Variants in NCOR2 observed in about 807,000 individuals in gnomAD.
The protein encoded by NCOR2 is CTG repeat protein 26.
A neutral mutation model predicts 262.9 loss-of-function variants in NCOR2; 81 were observed. The observed-to-expected ratio is 0.31, with a 90% CI of 0.26 to 0.37. The LOEUF is 0.37. Among genes scored for constraint, NCOR2 ranks in the 10% least tolerant of loss-of-function variants. NCOR2 has a pLI of 1.00. For missense variants in NCOR2, 3,385 were observed against 3,621.4 expected (o/e 0.93, Z 1.68); for synonymous variants, 1,659 against 1,559.3 (o/e 1.06, Z -1.51).
intron 17 of NCOR2, among the ~76,000 whole-genome samples, chr12:124,380,434 T>C (rs2040322767): frequency 6.6e-6 from 1 of 152,138 alleles, no homozygotes; most frequent in Non-Finnish European, 1.5e-5. Context: ...GCCCTGCCCC[T>C]GCCAGTGCCC....
intron 1 of NCOR2, among the ~76,000 whole-genome samples, chr12:124,494,243 G>A (rs1015476942): frequency 3.9e-5 from 6 of 152,010 alleles, no homozygotes; most frequent in East Asian, 1.9e-4. Context: ...ACGCACACAC[G>A]CACCCCCACG....
chr12:124,476,168 C>T (rs910018939), intron 3 of NCOR2, among the ~76,000 whole-genome samples: 4 of 152,198 alleles, frequency 2.6e-5, no homozygotes, highest in Admixed American at 6.5e-5. Context: ...TCTGGCACCC[C>T]CGGGCCTTTG....
intron 7 of NCOR2, among the ~76,000 whole-genome samples, chr12:124,445,328 G>A (rs572849668): frequency 2.6e-5 from 4 of 152,280 alleles, no homozygotes; most frequent in Admixed American, 1.3e-4. Context: ...GCCCCTCTGC[G>A]GCTGCCCCGG....
chr12:124,473,396 A>G (rs2046929260), intron 3 of NCOR2, among the ~76,000 whole-genome samples: 1 of 152,192 alleles, frequency 6.6e-6, no homozygotes, highest in Non-Finnish European at 1.5e-5. Flanking sequence ...CAAAGGCGAG[A>G]CTGGCCTAGC....
chr12:124,418,952 A>C (rs1049255977), intron 13 of NCOR2, among the ~76,000 whole-genome samples: 3 of 150,660 alleles, frequency 2.0e-5, no homozygotes, highest in Admixed American at 6.6e-5. Context: ...CCCGGCCCCC[A>C]CCCCAGCCAC....
rs753831136 is a variant in NCOR2, at chr12:124,336,996, C to A, written c.5872G>T (p.Ala1958Ser). 1.8e-5 allele frequency: 27 copies of A among 1,509,794 alleles called. No individual in the cohort carries two copies. In the African/African-American group the frequency reaches 3.6e-4, roughly 20 times the overall value. The allele number at this position is 1,509,794 out of a possible 1,614,324, so 93.5% of individuals were successfully genotyped here. Reference sequence around the variant, plus strand: ...AGCCCGGAGCGGGCTGGGGGCTTGGCGAGGAAGGCATGGCCGGTGTCTGCT... The same window carrying A: ...AGCCCGGAGCGGGCTGGGGGCTTGGAGAGGAAGGCATGGCCGGTGTCTGCT... The change falls in exon 38 of 47, where the codon GCC becomes TCC. Residue 1958 changes from alanine to serine, a missense_variant. Physicochemically the swap from Ala to Ser is moderately conservative, Grantham distance 99 (BLOSUM62 1). Coordinates refer to ENST00000405201, the Ensembl canonical transcript of NCOR2.
rs148014936 is a variant in NCOR2, at chr12:124,477,633, T to A, written c.412-4502A>T. Among the ~76,000 whole-genome samples the A allele has an allele frequency of 3.0e-3, 450 of 152,310 alleles. 2 individuals carry two copies. Among genetic ancestry groups the A allele is most frequent in the Middle Eastern group, 0.014 (4 of 294 alleles). ...TGGTTACTTTTTTGTGAACCGACCCTCAACTGAAAAAGAAGAGGCAAACCC... is the reference window on the plus strand; with the variant it reads ...TGGTTACTTTTTTGTGAACCGACCCACAACTGAAAAAGAAGAGGCAAACCC... On this transcript the variant is annotated intron_variant, in intron 3 of 46. Transcript: ENST00000405201.
intron 3 of NCOR2, among the ~76,000 whole-genome samples, chr12:124,478,596 T>C (rs146275189): frequency 5.5e-4 from 84 of 152,190 alleles, no homozygotes; most frequent in Middle Eastern, 3.4e-3. Context: ...CATCTTCCCT[T>C]GCTCAGACTT....
chr12:124,453,971 A>G (rs1459572793), intron 6 of NCOR2, among the ~76,000 whole-genome samples: 9 of 152,128 alleles, frequency 5.9e-5, no homozygotes, highest in African/African-American at 2.2e-4. Context: ...CTTCTGATGG[A>G]AGACACCCTG....
chr12:124,445,123 C>A (rs1365807608), intron 7 of NCOR2, among the ~76,000 whole-genome samples: 1 of 152,216 alleles, frequency 6.6e-6, no homozygotes, highest in Admixed American at 6.5e-5. Context: ...AACCGGCTTC[C>A]AGGCCTGAGG....
Position 124,354,957 on chromosome 12 carries a change from T to G in NCOR2, c.3382-18A>C. On this transcript the variant is annotated intron_variant, in intron 24 of 46. Coordinates refer to ENST00000405201, the Ensembl canonical transcript of NCOR2. ...GACATTCCCTGTAGGGGCGGAGTTG[T>G]GGGGTCACAGGGGCACCCTGGTCCC... 1 of 1,608,872 alleles carries G rather than the reference T, an allele frequency of 6.2e-7. No homozygotes were observed. The highest frequency in any genetic ancestry group is 1.7e-5 in the Admixed American group (1 of 59,288).
At chr12:124,448,542 C>G (rs1028802385) in intron 7 of NCOR2, among the ~76,000 whole-genome samples, 1 of 152,186 alleles carries the variant, frequency 6.6e-6, no homozygotes, top group Non-Finnish European at 1.5e-5. Context: ...ATGACCCCCC[C>G]GCCAGCCACG....
At chr12:124,532,203 C>A (rs2050832544) in intron 1 of NCOR2, among the ~76,000 whole-genome samples, 1 of 151,858 alleles carries the variant, frequency 6.6e-6, no homozygotes. Context: ...TGAGGTCTGT[C>A]CCCCCTTGTC....
At chr12:124,387,655 G>A (rs2040917042) in intron 16 of NCOR2, among the ~76,000 whole-genome samples, 1 of 152,228 alleles carries the variant, frequency 6.6e-6, no homozygotes, top group African/African-American at 2.4e-5. Flanking sequence ...TCAAGGACAG[G>A]CGCAGAAGGG....
In NCOR2 at chr12:124,531,024, C is replaced by T. The variant is rs1262337365; in HGVS notation, c.-118+4541G>A. 2.0e-5 allele frequency among the ~76,000 whole-genome samples: 3 copies of T among 152,142 alleles called. No individual in the cohort carries two copies. The highest frequency in any genetic ancestry group is 7.2e-5 in the African/African-American group (3 of 41,426). On this transcript the variant is annotated intron_variant, in intron 1 of 46. Coordinates refer to the NCOR2 transcript ENST00000404621. The surrounding 1 kb of genome is among the most constrained non-coding windows in gnomAD (Gnocchi z 4.5). ...GGGCATTTAACTGATGCCTGCTGTC[C>T]GGACAGGACACGGTTCCTGGGCTCC...
intron 1 of NCOR2, among the ~76,000 whole-genome samples, chr12:124,501,062 GCACACACACACACACACACA>G (rs3040848): frequency 2.8e-4 from 42 of 147,920 alleles, no homozygotes; most frequent in African/African-American, 4.3e-4. Flanking sequence ...GCGCACGCGC[GCACACACACACACACACACA>G]CACACACACA....
At chr12:124,385,870 G>A (rs371025380) in exon 17 of NCOR2, 7 of 1,613,572 alleles carry the variant, frequency 4.3e-6, no homozygotes, top group East Asian at 2.2e-5. Flanking sequence ...GACCAGTTGC[G>A]GCCGTGTTCC....
At chr12:124,477,062 G>A (rs1565979085) in intron 3 of NCOR2, among the ~76,000 whole-genome samples, 1 of 152,110 alleles carries the variant, frequency 6.6e-6, no homozygotes, top group Non-Finnish European at 1.5e-5. Context: ...CAGAGAGATG[G>A]ACAGTGATTC....
intron 16 of NCOR2, among the ~76,000 whole-genome samples, chr12:124,396,514 G>A (rs1055870435): frequency 1.5e-4 from 21 of 144,014 alleles, no homozygotes; most frequent in African/African-American, 5.7e-4. Context: ...GGCCCTACCA[G>A]CTGGATACAG....
Sources: gnomAD v4.1 joint callset for allele counts (sites outside exome capture counted in the v4.1 genomes callset) on GRCh38, gnomAD v4.1.1 for gene constraint, Gnocchi (gnomAD v3.1) non-coding constraint, MANE v1.5 for transcripts, NCBI Gene and HGNC (gene_info 2026-07-23, HGNC 2026-07-21) for gene names.